ERGIC1: variants seen among roughly 807,000 people sequenced by gnomAD.
The protein encoded by ERGIC1 is endoplasmic reticulum-golgi intermediate compartment 1.
ERGIC1 carries 19 observed loss-of-function variants against 38.3 expected under a neutral mutation model. That is an observed-to-expected ratio of 0.50 (90% confidence interval 0.35 to 0.73). The LOEUF is 0.73. Ranked by LOEUF, ERGIC1 falls within the 30% of genes least tolerant of loss-of-function variation. ERGIC1 has a pLI of 0.01. For synonymous variants in ERGIC1, 124 were observed against 157.6 expected, an observed-to-expected ratio of 0.79 and a Z score of 1.60; for missense variants, 294 against 389.2, an observed-to-expected ratio of 0.76 and a Z score of 2.06.
chr5:172,881,046 C>G lies in ERGIC1; in HGVS notation c.21-7653C>G, dbSNP rs1054460159. Among the ~76,000 whole-genome samples, 3 of 152,206 alleles carry G rather than the reference C, an allele frequency of 2.0e-5. No homozygotes were observed. The East Asian group carries it at 5.8e-4, about 29-fold the overall frequency. ...GGCAGATCACCTGAGGTTGGGAGTT[C>G]GAGACCAGCCTGACCAACATGGAGA... On this transcript the variant is annotated intron_variant, in intron 1 of 9. Transcript: ENST00000393784.
chr5:172,885,346 C>G (rs1157960888), intron 1 of ERGIC1, among the ~76,000 whole-genome samples: 1 of 151,648 alleles, frequency 6.6e-6, no homozygotes, highest in Non-Finnish European at 1.5e-5. Flanking sequence ...GCTGCCCAGG[C>G]TGGTCGCAAA....
chr5:172,877,428 G>GTGTT (rs1762162507), intron 1 of ERGIC1, among the ~76,000 whole-genome samples: 1 of 125,180 alleles, frequency 8.0e-6, no homozygotes, highest in Non-Finnish European at 1.7e-5. Flanking sequence ...GTGTGTGTGT[G>GTGTT]TGTGTGTGTG....
intron 9 of ERGIC1, among the ~76,000 whole-genome samples, chr5:172,946,935 C>T (rs1764135814): frequency 6.6e-6 from 1 of 151,776 alleles, no homozygotes; most frequent in African/African-American, 2.4e-5. Context: ...GTAATCCCAC[C>T]ACTTTGGGGA....
intron 1 of ERGIC1, among the ~76,000 whole-genome samples, chr5:172,856,986 C>T (rs769210826): frequency 9.2e-5 from 14 of 152,312 alleles, no homozygotes; most frequent in Non-Finnish European, 1.3e-4. Context: ...AGGGTTGGGG[C>T]CCCTGGAAAC....
intron 8 of ERGIC1, chr5:172,934,853 G>A (rs569074276): frequency 3.1e-5 from 10 of 326,530 alleles, no homozygotes; most frequent in East Asian, 1.3e-4. Flanking sequence ...AATGGATTTC[G>A]CGTGGCCCAG....
At chr5:172,871,337 C>T (rs1057476209) in intron 1 of ERGIC1, among the ~76,000 whole-genome samples, 7 of 152,214 alleles carry the variant, frequency 4.6e-5, no homozygotes, top group African/African-American at 1.7e-4. Flanking sequence ...GAGGCCTTTG[C>T]ACTTGCTGTC....
intron 5 of ERGIC1, among the ~76,000 whole-genome samples, chr5:172,921,162 G>A (rs1029404616): frequency 2.0e-5 from 3 of 152,192 alleles, no homozygotes; most frequent in Non-Finnish European, 2.9e-5. Context: ...CGCCCATTTC[G>A]CTGATGGAGA....
At chr5:172,903,991 T>TCACACA (rs1561727208) in intron 3 of ERGIC1, among the ~76,000 whole-genome samples, 1 of 95,072 alleles carries the variant, frequency 1.1e-5, no homozygotes, top group Admixed American at 9.8e-5. Flanking sequence ...ACACACACAT[T>TCACACA]GACTCACACT....
intron 1 of ERGIC1, chr5:172,867,066 A>G: frequency 2.3e-6 from 1 of 426,798 alleles, no homozygotes; most frequent in Non-Finnish European, 4.8e-6. Flanking sequence ...GCAGATGGAG[A>G]GCAGTGGCCA....
At chr5:172,851,343 T>C (rs1761400043) in intron 1 of ERGIC1, among the ~76,000 whole-genome samples, 1 of 151,308 alleles carries the variant, frequency 6.6e-6, no homozygotes, top group Admixed American at 6.6e-5. Context: ...CTCCCGTTTC[T>C]ACTAAAAATA....
At chr5:172,927,579 CTTTTTT>C (rs35565131) in intron 7 of ERGIC1, among the ~76,000 whole-genome samples, 1 of 131,304 alleles carries the variant, frequency 7.6e-6, no homozygotes, top group Non-Finnish European at 1.6e-5. Context: ...CTCTGCTGTG[CTTTTTT>C]TTTTTTTTTT....
At chr5:172,914,663 T>C in intron 4 of ERGIC1, 51 bp from the exon 5 acceptor site, 1 of 1,613,422 alleles carries the variant, frequency 6.2e-7, no homozygotes, top group Non-Finnish European at 8.5e-7. Context: ...CTGGCCCCCA[T>C]CCTCCCGCGT....
rs1163706990 is a variant in ERGIC1 at position 172,846,463 on chromosome 5, G to A, written c.20+12030G>A. Among the ~76,000 whole-genome samples the A allele has an allele frequency of 6.6e-5, 10 of 152,152 alleles. No individual in the cohort carries two copies. In the East Asian group the frequency reaches 1.9e-3, roughly 29 times the overall value. ...CCAGGCTGATGTCAGGTGGTTTATA[G>A]TCATGATCTCATTTCACCATCATTA... On this transcript the variant is annotated intron_variant, in intron 1 of 9. Coordinates refer to ENST00000393784, the MANE Select transcript of ERGIC1 (RefSeq NM_001031711.3). The surrounding 1 kb of genome is among the most constrained non-coding windows in gnomAD (Gnocchi z 4.0).
intron 1 of ERGIC1, among the ~76,000 whole-genome samples, chr5:172,881,560 G>C (rs1048560952): frequency 6.6e-6 from 1 of 152,126 alleles, no homozygotes; most frequent in Non-Finnish European, 1.5e-5. Flanking sequence ...ATTATAATCC[G>C]TCCTTTAGCT....
intron 1 of ERGIC1, among the ~76,000 whole-genome samples, chr5:172,872,166 C>T (rs2113165874): frequency 6.6e-6 from 1 of 152,230 alleles, no homozygotes; most frequent in African/African-American, 2.4e-5. Flanking sequence ...CTCAGGGGGC[C>T]ATGAAGCTTT....
intron 1 of ERGIC1, among the ~76,000 whole-genome samples, chr5:172,847,695 A>T (rs981821452): frequency 2.0e-5 from 3 of 152,108 alleles, no homozygotes; most frequent in Non-Finnish European, 2.9e-5. Context: ...TTGTATTTTT[A>T]GTAGAGACGG....
intron 3 of ERGIC1, among the ~76,000 whole-genome samples, chr5:172,901,703 T>G (rs1762884511): frequency 6.6e-6 from 1 of 152,110 alleles, no homozygotes; most frequent in South Asian, 2.1e-4. Flanking sequence ...TCCAGGGCGA[T>G]CCTTCTGCCT....
At chr5:172,887,189 T>C (rs932791979) in intron 1 of ERGIC1, among the ~76,000 whole-genome samples, 1 of 152,160 alleles carries the variant, frequency 6.6e-6, no homozygotes, top group Non-Finnish European at 1.5e-5. Flanking sequence ...TACTCTTGTT[T>C]CCCAATCACC....
At position 172,926,409 on chromosome 5, in the gene ERGIC1, G is replaced by A; in HGVS notation, c.481-100G>A. 1 of 1,338,800 alleles carries A rather than the reference G, an allele frequency of 7.5e-7. No homozygotes were observed. The highest frequency in any genetic ancestry group is 1.1e-6 in the Non-Finnish European group (1 of 936,586). 82.9% of individuals were successfully genotyped at this position (1,338,800 alleles called of 1,614,324 possible). On this transcript the variant is annotated intron_variant, in intron 6 of 9. Coordinates refer to ENST00000393784, the MANE Select transcript of ERGIC1 (RefSeq NM_001031711.3). The surrounding 1 kb of genome is among the most constrained non-coding windows in gnomAD (Gnocchi z 5.2). ...GAGCCCCCTTTTACACATTGGTAGG[G>A]TTCCTAGACCAGGTGGTACCTGGCC...
Sources: gnomAD v4.1 joint callset for allele counts (sites outside exome capture counted in the v4.1 genomes callset) on GRCh38, gnomAD v4.1.1 for gene constraint, Gnocchi (gnomAD v3.1) non-coding constraint, MANE v1.5 for transcripts, NCBI Gene and HGNC (gene_info 2026-07-23, HGNC 2026-07-21) for gene names.